Variants in MYO9B observed in about 807,000 individuals in gnomAD.
MYO9B encodes myosin IXB, also known as unconventional myosin-IXb.
A neutral mutation model predicts 229.5 loss-of-function variants in MYO9B; 71 were observed. The observed-to-expected ratio is 0.31, with a 90% CI of 0.26 to 0.38. MYO9B has a LOEUF of 0.38. Among genes scored for constraint, MYO9B ranks in the 10% least tolerant of loss-of-function variants. The pLI is 1.00. For synonymous variants in MYO9B, 1,185 were observed against 1,235.8 expected, an observed-to-expected ratio of 0.96 and a Z score of 0.86; for missense variants, 2,255 against 2,920.5, an observed-to-expected ratio of 0.77 and a Z score of 5.25.
chr19:17,123,020 G>T (rs1289090672), intron 2 of MYO9B, among the ~76,000 whole-genome samples: 1 of 152,160 alleles, frequency 6.6e-6, no homozygotes, highest in Non-Finnish European at 1.5e-5. Context: ...CCAGGAATTG[G>T]AGGCTGAAGT....
intron 30 of MYO9B, 74 bp from the exon 31 acceptor site, chr19:17,205,189 C>A: frequency 7.8e-7 from 1 of 1,278,928 alleles, no homozygotes; most frequent in Non-Finnish European, 1.1e-6. Context: ...CGGCCCCCGG[C>A]CAGCTGGGTG....
rs750638377 is a variant in MYO9B at position 17,101,822 on chromosome 19, C to T, written c.105C>T (p.Arg35=). 27 of 1,609,556 alleles carry T rather than the reference C, an allele frequency of 1.7e-5. No individual in the cohort carries two copies. The highest frequency in any genetic ancestry group is 1.7e-4 in the Admixed American group (10 of 59,826). Residue 35 remains arginine, a synonymous_variant, in exon 2 of 40, where the codon CGC becomes CGT. Transcript: ENST00000682292. The surrounding 1 kb of genome is among the most constrained non-coding windows in gnomAD (Gnocchi z 4.7). ...CCACCGAGAGCCAGGCCTCGTGCCG[C>T]GTGACTGCCACCAAGGACAGCACCA... ...LSTTESQASC[R]VTATKDSTTS... is the part of the protein sequence containing the mutation.
intron 2 of MYO9B, among the ~76,000 whole-genome samples, chr19:17,143,821 T>C (rs1210327155): frequency 6.6e-6 from 1 of 152,164 alleles, no homozygotes; most frequent in Non-Finnish European, 1.5e-5. Flanking sequence ...TTTGGGAGGC[T>C]GAGGCAGGAG....
intron 1 of MYO9B, among the ~76,000 whole-genome samples, chr19:17,100,298 C>CA (rs2145020333): frequency 6.6e-6 from 1 of 151,528 alleles, no homozygotes; most frequent in South Asian, 2.1e-4. Flanking sequence ...GGCAAAACCC[C>CA]ATCTCTACTT....
chr19:17,149,551 C>T (rs1253750215), intron 3 of MYO9B, among the ~76,000 whole-genome samples: 1 of 152,192 alleles, frequency 6.6e-6, no homozygotes, highest in Admixed American at 6.6e-5. Flanking sequence ...TGGCCATCCT[C>T]GCCCCAGGGA....
At chr19:17,197,189 A>C (rs111325393) in intron 22 of MYO9B, among the ~76,000 whole-genome samples, 2,346 of 152,076 alleles carry the variant, frequency 0.015, 59 homozygotes, top group African/African-American at 0.054. Flanking sequence ...AGGCAGGAGA[A>C]TCACTTGAAC....
In MYO9B at chr19:17,195,415, C is replaced by G. The variant is rs2073032246; in HGVS notation, c.3988C>G (p.Gln1330Glu). The G allele has an allele frequency of 6.2e-7, 1 of 1,608,672 alleles. No homozygotes were observed. Among genetic ancestry groups the G allele is most frequent in the Non-Finnish European group, 8.5e-7 (1 of 1,179,206 alleles). ...AAASPSAMLS[Q>E]SLDLSDRHRA... ...CGCCAGCCCTAGTGCCATGCTCAGC[C>G]AGTCCCTGGACCTCAGCGACAGACA... The change falls in exon 22 of 40, where the codon CAG becomes GAG. Residue 1330 changes from glutamine (Q) to glutamate (E), a missense_variant. By Grantham distance (29) the Gln-to-Glu change is conservative. Coordinates refer to ENST00000682292, the MANE Select transcript of MYO9B (RefSeq NM_004145.4). The surrounding 1 kb of genome is among the most constrained non-coding windows in gnomAD (Gnocchi z 4.5).
intron 14 of MYO9B, among the ~76,000 whole-genome samples, chr19:17,177,028 T>A (rs1002713789): frequency 6.6e-6 from 1 of 151,978 alleles, no homozygotes; most frequent in African/African-American, 2.4e-5. Flanking sequence ...TGGTGAAACC[T>A]CGTCTCTACT....
chr19:17,162,927 T>C, intron 9 of MYO9B, 61 bp from the exon 10 acceptor site: 2 of 1,561,806 alleles, frequency 1.3e-6, no homozygotes, highest in Non-Finnish European at 1.7e-6. Flanking sequence ...ACCCCTCTCA[T>C]GAAGGCTGGC....
intron 11 of MYO9B, among the ~76,000 whole-genome samples, chr19:17,170,157 A>G (rs2072707143): frequency 6.6e-6 from 1 of 151,826 alleles, no homozygotes; most frequent in African/African-American, 2.4e-5. Context: ...TTGACCTCCC[A>G]AAGTGCTGGG....
chr19:17,194,796 A>G lies in MYO9B; in HGVS notation c.3369A>G (p.Pro1123=). 1 of 1,613,422 alleles carries G rather than the reference A, an allele frequency of 6.2e-7. No homozygotes were observed. The highest frequency in any genetic ancestry group is 8.5e-7 in the Non-Finnish European group (1 of 1,179,882). ...HSSPEKEAPS[P]EKTLPPQKTV... ...CACCTGAGAAGGAGGCCCCAAGCCC[A>G]GAGAAGACTCTCCCACCCCAGAAAA... The change falls in exon 22 of 40, where the codon CCA becomes CCG. Residue 1123 remains proline, a synonymous_variant. Transcript: ENST00000682292.
Position 17,206,139 on chromosome 19 carries a change from G to A in MYO9B, c.5244G>A (p.Gln1748=), listed in dbSNP as rs764124048. The change falls in exon 32 of 40, where the codon CAG becomes CAA. Residue 1748 remains glutamine (Q), a synonymous_variant. Coordinates refer to ENST00000682292, the MANE Select transcript of MYO9B (RefSeq NM_004145.4). ...GAANRTRELR[Q]ALQTDPAAVK... Reference sequence around the variant, plus strand: ...CCAACCGCACTCGGGAGCTCCGGCAGGCGCTGCAGACAGGTGGGCGCTGTG... The same window carrying A: ...CCAACCGCACTCGGGAGCTCCGGCAAGCGCTGCAGACAGGTGGGCGCTGTG... 1 of 1,607,080 alleles carries A rather than the reference G, an allele frequency of 6.2e-7. No individual in the cohort carries two copies. Among genetic ancestry groups the A allele is most frequent in the Non-Finnish European group, 8.5e-7 (1 of 1,175,762 alleles).
At chr19:17,142,968 A>G (rs1266002523) in intron 2 of MYO9B, among the ~76,000 whole-genome samples, 2 of 152,136 alleles carry the variant, frequency 1.3e-5, no homozygotes, top group African/African-American at 2.4e-5. Flanking sequence ...GCCAGGCATG[A>G]TGGCTCATGC....
intron 15 of MYO9B, among the ~76,000 whole-genome samples, chr19:17,182,078 T>C (rs2072867965): frequency 1.3e-5 from 2 of 150,952 alleles, no homozygotes; most frequent in African/African-American, 4.9e-5. Context: ...CCCTTTTTTT[T>C]TTTTTTCTTT....
rs200647611 is a variant in MYO9B, at chr19:17,118,461, A to AATTT, written c.840+15929_840+15932dup. Among the ~76,000 whole-genome samples the AATTT allele has an allele frequency of 2.8e-3, 419 of 151,770 alleles. 3 individuals are homozygous for AATTT. Among genetic ancestry groups the AATTT allele is most frequent in the African/African-American group, 8.7e-3 (359 of 41,442 alleles). ...ATATTTTTTAAAATTTTTTAAAATG[A>AATTT]ATTTATTTATTTATTTATTTATTTA... On this transcript the variant is annotated intron_variant, in intron 2 of 39. Coordinates refer to ENST00000682292, the MANE Select transcript of MYO9B (RefSeq NM_004145.4).
At position 17,195,466 on chromosome 19, in the gene MYO9B, C is replaced by T; in HGVS notation, c.4039C>T (p.Pro1347Ser). The change falls in exon 22 of 40, where the codon CCC (proline) becomes TCC (serine). Residue 1347 changes from proline to serine, a missense_variant. This residue lies in a region of MYO9B where 679 missense variants were observed against 770.2 expected (regional missense o/e 0.88). Coordinates refer to ENST00000682292, the MANE Select transcript of MYO9B (RefSeq NM_004145.4). The surrounding 1 kb of genome is among the most constrained non-coding windows in gnomAD (Gnocchi z 4.5). Reference sequence around the variant, plus strand: ...CCGGGCCACAGGGGCCGCCCTCACGCCCACAGAGTAAGCCCCACACCCTCT... The same window carrying T: ...CCGGGCCACAGGGGCCGCCCTCACGTCCACAGAGTAAGCCCCACACCCTCT... ...RHRATGAALTPTEERRTSFST... is the reference protein window; with the variant it reads ...RHRATGAALTSTEERRTSFST... 1.3e-6 allele frequency: 2 copies of T among 1,594,462 alleles called. No individual in the cohort carries two copies. The highest frequency in any genetic ancestry group is 1.1e-5 in the South Asian group (1 of 89,666).
intron 25 of MYO9B, 100 bp downstream of exon 25, chr19:17,200,526 G>T: frequency 6.6e-7 from 1 of 1,510,700 alleles, no homozygotes; most frequent in African/African-American, 1.4e-5. Context: ...TGTGGGCCAA[G>T]CCCTAGGCAC....
At chr19:17,128,052 A>G (rs2072147101) in intron 2 of MYO9B, among the ~76,000 whole-genome samples, 1 of 151,954 alleles carries the variant, frequency 6.6e-6, no homozygotes, top group South Asian at 2.1e-4. Context: ...ACCAGGATCC[A>G]CTGAATCTTG....
At chr19:17,183,435 G>A (rs1293207204) in intron 15 of MYO9B, among the ~76,000 whole-genome samples, 2 of 152,248 alleles carry the variant, frequency 1.3e-5, no homozygotes, top group Non-Finnish European at 1.5e-5. Flanking sequence ...CGCCCCACTC[G>A]GCATCCTGCT....
Sources: allele counts gnomAD v4.1 joint callset (sites outside exome capture counted in the v4.1 genomes callset), GRCh38; gene constraint gnomAD v4.1.1; regional missense constraint gnomAD v4.1.1; non-coding constraint Gnocchi (gnomAD v3.1); transcripts MANE v1.5; gene names NCBI Gene and HGNC (gene_info 2026-07-23, HGNC 2026-07-21).